Variants in C10orf90 observed in about 807,000 individuals in gnomAD.
The protein encoded by C10orf90 is (E2-independent) E3 ubiquitin-conjugating enzyme FATS.
In C10orf90, 56 loss-of-function variants were observed where a neutral mutation model predicts 62.5. That is an observed-to-expected ratio of 0.90 (90% CI 0.72 to 1.12). The LOEUF is 1.12. Among genes scored for constraint, C10orf90 ranks in the 50% most tolerant of loss-of-function variants. The pLI is 0.00. For missense variants in C10orf90, 970 were observed against 880.4 expected (o/e 1.10, Z -1.29); for synonymous variants, 386 against 340.4 (o/e 1.13, Z -1.47).
At chr10:126,439,199 T>C (rs1375800258) in intron 7 of C10orf90, among the ~76,000 whole-genome samples, 2 of 152,146 alleles carry the variant, frequency 1.3e-5, no homozygotes. Context: ...ACTGAGGACG[T>C]CTGCAATATT....
intron 7 of C10orf90, among the ~76,000 whole-genome samples, chr10:126,447,335 A>T (rs930444279): frequency 1.3e-5 from 2 of 152,166 alleles, no homozygotes; most frequent in African/African-American, 4.8e-5. Flanking sequence ...AAGTGAAGGG[A>T]TAGAAAGGAT....
intron 2 of C10orf90, chr10:126,520,337 A>C (rs2886746): frequency 4.2e-4 from 1 of 2,402 alleles, no homozygotes; most frequent in Non-Finnish European, 6.3e-4. Context: ...CCAAAACTCA[A>C]ATGCAAGGGA....
chr10:126,659,505 C>T (rs61874362), intron 1 of C10orf90, among the ~76,000 whole-genome samples: 3 of 152,136 alleles, frequency 2.0e-5, no homozygotes, highest in Non-Finnish European at 4.4e-5. Flanking sequence ...CATTTGTCTT[C>T]GGCCCTATTG....
At chr10:126,621,846 T>A (rs1377603853) in intron 2 of C10orf90, among the ~76,000 whole-genome samples, 8 of 152,230 alleles carry the variant, frequency 5.3e-5, no homozygotes, top group Admixed American at 5.2e-4. Flanking sequence ...ATGCAGCTAT[T>A]CATGCTTGAC....
intron 7 of C10orf90, among the ~76,000 whole-genome samples, chr10:126,432,105 C>G (rs1188466243): frequency 1.3e-5 from 2 of 152,210 alleles, no homozygotes; most frequent in Non-Finnish European, 2.9e-5. Context: ...CCAAGCTCAT[C>G]TGATAAATAG....
chr10:126,572,956 T>C (rs768140214), intron 2 of C10orf90, among the ~76,000 whole-genome samples: 80 of 152,170 alleles, frequency 5.3e-4, no homozygotes, highest in Non-Finnish European at 8.8e-4. Flanking sequence ...CAGTCAACTC[T>C]GTCTATGGAG....
At chr10:126,525,105 T>A (rs1863896366) in intron 2 of C10orf90, among the ~76,000 whole-genome samples, 3 of 151,976 alleles carry the variant, frequency 2.0e-5, no homozygotes, top group South Asian at 4.2e-4. Context: ...TGCAACAGGG[T>A]CCCAATTACC....
chr10:126,565,218 T>TATATTACATAATATGTAATATAATA lies in C10orf90; in HGVS notation c.314-51280_314-51279insTATTATATTACATATTATGTAATAT, dbSNP rs1844331132. 2.4e-4 allele frequency among the ~76,000 whole-genome samples: 7 copies of TATATTACATAATATGTAATATAATA among 29,770 alleles called. 1 individual carries two copies. The highest frequency in any genetic ancestry group is 2.2e-3 in the East Asian group (2 of 904). The allele number at this position is 29,770 out of a possible 152,430, so 19.5% of individuals were successfully genotyped here. The stretch of plus-strand genomic sequence containing the variant: ...ATATTACATATTATGTAATATAATT[T>TATATTACATAATATGTAATATAATA]TTATATTACATATTATGTAATATAA... On this transcript the variant is annotated intron_variant, in intron 2 of 9. Transcript: ENST00000488181.
In C10orf90 at chr10:126,478,975, C is replaced by G. The variant is rs182217874; in HGVS notation, c.1535-13989G>C. Among the ~76,000 whole-genome samples, 79 of 152,284 alleles carry G rather than the reference C, an allele frequency of 5.2e-4. 1 individual carries two copies. The highest frequency in any genetic ancestry group is 1.8e-3 in the African/African-American group (76 of 41,572). ...TTCCCTGCTGGAACAAGCATACTCT[C>G]TCTTCTCACCTTCAAAGATGCCCTT... is the stretch of plus-strand genomic sequence containing the variant. On this transcript the variant is annotated intron_variant, in intron 4 of 9. Transcript: ENST00000488181.
intron 2 of C10orf90, among the ~76,000 whole-genome samples, chr10:126,630,596 T>G (rs1487449177): frequency 6.6e-6 from 1 of 152,096 alleles, no homozygotes; most frequent in Non-Finnish European, 1.5e-5. Context: ...ACAATTACCA[T>G]GAGTGATCAC....
At chr10:126,463,260 A>G (rs1244785547) in intron 5 of C10orf90, 1 of 152,082 alleles carries the variant, frequency 6.6e-6, no homozygotes, top group Non-Finnish European at 1.5e-5. Flanking sequence ...CTGCTCAAAG[A>G]CCCATCCCTG....
At chr10:126,481,047 G>A (rs545697439) in intron 4 of C10orf90, among the ~76,000 whole-genome samples, 4 of 152,254 alleles carry the variant, frequency 2.6e-5, no homozygotes, top group African/African-American at 9.6e-5. Flanking sequence ...CTCATCCCTT[G>A]AATGTGCCAG....
At chr10:126,460,152 G>T (rs1440574330) in intron 6 of C10orf90, among the ~76,000 whole-genome samples, 1 of 152,178 alleles carries the variant, frequency 6.6e-6, no homozygotes, top group South Asian at 2.1e-4. Flanking sequence ...ATAGCCATTG[G>T]CTCAAGTTCC....
At chr10:126,645,569 G>A (rs1191333011) in intron 2 of C10orf90, among the ~76,000 whole-genome samples, 1 of 148,660 alleles carries the variant, frequency 6.7e-6, no homozygotes, top group Non-Finnish European at 1.5e-5. Flanking sequence ...CAGCCTGGGT[G>A]ACAGAGTGAG....
At chr10:126,647,978 G>A (rs921921702) in intron 1 of C10orf90, among the ~76,000 whole-genome samples, 1 of 152,120 alleles carries the variant, frequency 6.6e-6, no homozygotes, top group Non-Finnish European at 1.5e-5. Context: ...TAAGTGCTAT[G>A]GTCTAAATGT....
intron 2 of C10orf90, among the ~76,000 whole-genome samples, chr10:126,566,657 G>A (rs1415010759): frequency 1.3e-5 from 2 of 152,242 alleles, no homozygotes; most frequent in Admixed American, 1.3e-4. Flanking sequence ...GGTTGAGGTT[G>A]AGGACCAGAA....
intron 2 of C10orf90, among the ~76,000 whole-genome samples, chr10:126,627,470 C>A (rs956355291): frequency 7.2e-5 from 11 of 151,764 alleles, no homozygotes; most frequent in African/African-American, 2.7e-4. Context: ...AAGGAGCACA[C>A]GTCTTGATTG....
At chr10:126,446,954 G>T (rs1858825139) in intron 7 of C10orf90, among the ~76,000 whole-genome samples, 1 of 152,138 alleles carries the variant, frequency 6.6e-6, no homozygotes, top group Non-Finnish European at 1.5e-5. Flanking sequence ...GCTTAAAATA[G>T]CCTGTTATAA....
At chr10:126,630,625 C>G (rs1845833409) in intron 2 of C10orf90, among the ~76,000 whole-genome samples, 1 of 152,198 alleles carries the variant, frequency 6.6e-6, no homozygotes, top group African/African-American at 2.4e-5. Context: ...GTCTGTGGCT[C>G]TGAAGCCCCC....
Sources: allele counts gnomAD v4.1 joint callset (sites outside exome capture counted in the v4.1 genomes callset), GRCh38; gene constraint gnomAD v4.1.1; transcripts MANE v1.5; gene names NCBI Gene and HGNC (gene_info 2026-07-23, HGNC 2026-07-21).